The following OR2L13 variants were observed in gnomAD, a reference collection of about 807,000 sequenced individuals.
OR2L13 encodes olfactory receptor family 2 subfamily L member 13.
A neutral mutation model predicts 15.3 loss-of-function variants in OR2L13; 14 were observed. The observed-to-expected ratio is 0.91, with a 90% confidence interval of 0.60 to 1.43. The LOEUF (loss-of-function observed/expected upper bound fraction) is 1.43, where lower values mean the gene tolerates loss of function less well. Ranked by LOEUF, OR2L13 falls within the 40% of genes most tolerant of loss-of-function variation. The pLI, the probability that OR2L13 is intolerant of heterozygous loss-of-function variation, is 0.00. For missense variants in OR2L13, 367 were observed against 387.9 expected (o/e 0.95, Z 0.45); for synonymous variants, 152 against 142.9 (o/e 1.06, Z -0.45).
the OR2L13 span, among the ~76,000 whole-genome samples, chr1:248,078,994 A>G: frequency 6.6e-6 from 1 of 152,170 alleles, no homozygotes; most frequent in Admixed American, 6.5e-5. Flanking sequence ...GATGTGACTG[A>G]CTATTGAGGA....
At chr1:248,020,716 C>G in the OR2L13 span, among the ~76,000 whole-genome samples, 2 of 151,886 alleles carry the variant, frequency 1.3e-5, no homozygotes, top group Non-Finnish European at 2.9e-5. Context: ...ATAGAAGAAC[C>G]AAATAATGAT....
the OR2L13 span, among the ~76,000 whole-genome samples, chr1:247,982,415 A>G: frequency 0.018 from 2,769 of 152,286 alleles, 78 homozygotes; most frequent in African/African-American, 0.063. Context: ...CAATTTGGTT[A>G]TTTTTATTAT....
At chr1:248,025,743 T>A in the OR2L13 span, among the ~76,000 whole-genome samples, 1 of 151,172 alleles carries the variant, frequency 6.6e-6, no homozygotes, top group Admixed American at 6.6e-5. Context: ...ATGTGGCACA[T>A]ATACACCATG....
the OR2L13 span, among the ~76,000 whole-genome samples, chr1:247,969,371 G>T: frequency 2.1e-3 from 318 of 152,108 alleles, no homozygotes; most frequent in African/African-American, 7.3e-3. Context: ...TGTCAATTTT[G>T]GCTTTTGTTG....
the OR2L13 span, chr1:248,003,385 G>C: frequency 1.9e-6 from 3 of 1,609,736 alleles, no homozygotes; most frequent in Admixed American, 3.3e-5. Context: ...CTGATTTTCT[G>C]CATGGAAACA....
chr1:247,968,124 A>G, the OR2L13 span, among the ~76,000 whole-genome samples: 3 of 152,148 alleles, frequency 2.0e-5, no homozygotes, highest in Non-Finnish European at 4.4e-5. Context: ...TATTCATCGC[A>G]TAAAGTAAAC....
At chr1:248,097,076 T>C (rs1369920162), upstream of OR2L13, among the ~76,000 whole-genome samples, 1 of 152,204 alleles carries the variant, frequency 6.6e-6, no homozygotes, top group Non-Finnish European at 1.5e-5. Context: ...CAATGTTGTT[T>C]CTGAAACCAG....
chr1:248,003,931 A>G, the OR2L13 span: 4 of 1,613,054 alleles, frequency 2.5e-6, no homozygotes, highest in East Asian at 8.9e-5. Flanking sequence ...TGTAATCTCC[A>G]ACAGAGGACA....
chr1:247,978,492 G>A, the OR2L13 span, among the ~76,000 whole-genome samples: 1 of 152,174 alleles, frequency 6.6e-6, no homozygotes, highest in Non-Finnish European at 1.5e-5. Context: ...TTCTTTTTAA[G>A]TAAATGTCAT....
the OR2L13 span, among the ~76,000 whole-genome samples, chr1:248,048,622 C>T: frequency 2.0e-5 from 3 of 152,108 alleles, no homozygotes; most frequent in East Asian, 3.9e-4. Context: ...AAGGTTGACT[C>T]ATGGAGTCAA....
At chr1:248,066,427 T>G in the OR2L13 span, among the ~76,000 whole-genome samples, 1 of 152,210 alleles carries the variant, frequency 6.6e-6, no homozygotes, top group East Asian at 1.9e-4. Context: ...TACTAACTTT[T>G]TTTTTACTTG....
the OR2L13 span, among the ~76,000 whole-genome samples, chr1:247,993,807 G>GAGAGAGAGAGAGAGAGAGAGAA: frequency 3.5e-4 from 45 of 129,050 alleles, no homozygotes; most frequent in East Asian, 1.1e-3. Flanking sequence ...GAGAGAGAGA[G>GAGAGAGAGAGAGAGAGAGAGAA]AGAGAAAGAA....
the OR2L13 span, among the ~76,000 whole-genome samples, chr1:248,021,759 CTAATT>C: frequency 6.6e-6 from 1 of 152,016 alleles, no homozygotes; most frequent in Non-Finnish European, 1.5e-5. Flanking sequence ...TCTTCCTTGT[CTAATT>C]TATAAATTAA....
chr1:248,061,196 C>T, the OR2L13 span: 1 of 1,612,310 alleles, frequency 6.2e-7, no homozygotes. Context: ...CAATCCAGGG[C>T]CATCAATCAT....
the OR2L13 span, among the ~76,000 whole-genome samples, chr1:248,085,558 A>G: frequency 2.0e-5 from 3 of 150,294 alleles, no homozygotes; most frequent in African/African-American, 7.3e-5. Flanking sequence ...TGATTTTAGG[A>G]AGTATGTGAA....
chr1:248,018,146 C>A, the OR2L13 span, among the ~76,000 whole-genome samples: 6 of 143,526 alleles, frequency 4.2e-5, no homozygotes, highest in African/African-American at 1.7e-4. Context: ...CAGAGCGACT[C>A]CATCTCAAAA....
the OR2L13 span, among the ~76,000 whole-genome samples, chr1:248,028,056 G>A: frequency 1.4e-5 from 2 of 145,516 alleles, no homozygotes; most frequent in African/African-American, 2.6e-5. Flanking sequence ...CAGGAGAATG[G>A]CATGAACCCA....
the OR2L13 span, among the ~76,000 whole-genome samples, chr1:248,034,429 AC>A: frequency 5.1e-3 from 776 of 152,120 alleles, 5 homozygotes; most frequent in African/African-American, 0.017. Flanking sequence ...CCTTAAAAAA[AC>A]GTTTTCCAGA....
At chr1:248,099,645 C>G in exon 3 of OR2L13, 1 of 1,614,152 alleles carries the variant, frequency 6.2e-7, no homozygotes, top group Non-Finnish European at 8.5e-7. Flanking sequence ...GCCAGAAAGG[C>G]ATCTCCTTCC....
Sources: gnomAD v4.1 joint callset for allele counts (sites outside exome capture counted in the v4.1 genomes callset) on GRCh38, gnomAD v4.1.1 for gene constraint, MANE v1.5 for transcripts, NCBI Gene and HGNC (gene_info 2026-07-23, HGNC 2026-07-21) for gene names.